Variants in PRKG1 observed in about 807,000 individuals in gnomAD.
PRKG1 encodes the protein cGMP-dependent protein kinase 1.
In PRKG1, 35 loss-of-function variants were observed where a neutral mutation model predicts 88.1. That is an observed-to-expected ratio of 0.40 (90% CI 0.30 to 0.53). The LOEUF is 0.53. PRKG1 is among the 20% of genes least tolerant of loss of function. The probability of loss-of-function intolerance (pLI) is 0.59; values close to 1 mark genes in which losing one functional copy is unlikely to be tolerated. For missense variants in PRKG1, 540 were observed against 839.8 expected (o/e 0.64, Z 4.41); for synonymous variants, 303 against 292.5 (o/e 1.04, Z -0.37).
At chr10:51,586,256 G>T (rs557068120) in intron 3 of PRKG1, among the ~76,000 whole-genome samples, 86 of 152,174 alleles carry the variant, frequency 5.7e-4, no homozygotes, top group Non-Finnish European at 1.0e-3. Context: ...GCCACTGAAG[G>T]TTTACAGACA....
At chr10:51,732,786 T>G (rs2132473847) in intron 3 of PRKG1, among the ~76,000 whole-genome samples, 1 of 152,262 alleles carries the variant, frequency 6.6e-6, no homozygotes, top group East Asian at 1.9e-4. Context: ...ACTTGTAAGA[T>G]CTCACCTTAA....
At chr10:51,251,338 T>G (rs1269820642) in intron 2 of PRKG1, among the ~76,000 whole-genome samples, 1 of 151,762 alleles carries the variant, frequency 6.6e-6, no homozygotes, top group African/African-American at 2.4e-5. Context: ...TCAGTCCTCT[T>G]AAAAGCATTT....
intron 5 of PRKG1, chr10:51,908,872 G>C (rs1194822826): frequency 6.6e-6 from 1 of 152,010 alleles, no homozygotes; most frequent in Non-Finnish European, 1.5e-5. Context: ...TGGGATTACA[G>C]GTGCCTGCCA....
chr10:51,390,101 G>A (rs1331435903), intron 2 of PRKG1, among the ~76,000 whole-genome samples: 2 of 152,180 alleles, frequency 1.3e-5, no homozygotes, highest in Non-Finnish European at 2.9e-5. Flanking sequence ...GAATTAAAAT[G>A]TTTCAAAACT....
At chr10:51,693,504 T>C (rs923535580) in intron 3 of PRKG1, among the ~76,000 whole-genome samples, 14 of 151,984 alleles carry the variant, frequency 9.2e-5, no homozygotes, top group South Asian at 2.1e-4. Context: ...CAGGTTCAAG[T>C]GCTTCTCGTG....
At chr10:52,185,502 C>T (rs1839174180) in intron 9 of PRKG1, among the ~76,000 whole-genome samples, 1 of 152,140 alleles carries the variant, frequency 6.6e-6, no homozygotes, top group South Asian at 2.1e-4. Context: ...ATGCAAGCTC[C>T]CTGTGGCTGT....
intron 2 of PRKG1, among the ~76,000 whole-genome samples, chr10:51,170,469 C>CAA (rs1491020213): frequency 7.0e-6 from 1 of 142,490 alleles, no homozygotes; most frequent in Non-Finnish European, 1.5e-5. Context: ...CACACACACA[C>CAA]AACCAGGAGG....
At position 51,691,561 on chromosome 10, in the gene PRKG1, C is replaced by T. The variant is rs181964021; in HGVS notation, c.593-113024C>T. Among the ~76,000 whole-genome samples, 19 of 152,292 alleles carry T rather than the reference C, an allele frequency of 1.2e-4. No individual in the cohort carries two copies. The East Asian group carries it at 3.7e-3, about 29-fold the overall frequency. The stretch of plus-strand genomic sequence containing the variant: ...AAACTCCTGGACACAAGCGATCCTC[C>T]AGCCTTGGGCTCCCAAACAGCTGGG... On this transcript the variant is annotated intron_variant, in intron 3 of 17. Coordinates refer to ENST00000373980, the MANE Select transcript of PRKG1 (RefSeq NM_006258.4).
chr10:52,194,730 C>CT (rs1239588153), intron 9 of PRKG1, among the ~76,000 whole-genome samples: 3 of 152,066 alleles, frequency 2.0e-5, no homozygotes, highest in Middle Eastern at 3.4e-3. Flanking sequence ...GAAAAATAAT[C>CT]TTTTTTCCTG....
chr10:52,275,238 G>C (rs1564541912), intron 12 of PRKG1, among the ~76,000 whole-genome samples: 1 of 151,988 alleles, frequency 6.6e-6, no homozygotes, highest in African/African-American at 2.4e-5. Context: ...TTGGGTTCTT[G>C]GTCATGAAAT....
At chr10:51,103,182 T>C (rs1046901824) in intron 1 of PRKG1, among the ~76,000 whole-genome samples, 18 of 151,104 alleles carry the variant, frequency 1.2e-4, no homozygotes, top group African/African-American at 3.9e-4. Context: ...AGATATTCAA[T>C]AGAAAAAGAG....
chr10:52,005,174 A>G (rs1241435485), intron 5 of PRKG1, among the ~76,000 whole-genome samples: 1 of 151,544 alleles, frequency 6.6e-6, no homozygotes, highest in African/African-American at 2.4e-5. Context: ...GAGAAATGGC[A>G]TATATGACAA....
chr10:51,192,462 C>G (rs1053491526), intron 2 of PRKG1, among the ~76,000 whole-genome samples: 11 of 151,772 alleles, frequency 7.2e-5, no homozygotes, highest in Non-Finnish European at 4.4e-5. Flanking sequence ...GAAATCTCAA[C>G]AGAAAAAAAT....
At chr10:52,292,132 G>A (rs2132466247) in intron 17 of PRKG1, among the ~76,000 whole-genome samples, 1 of 151,682 alleles carries the variant, frequency 6.6e-6, no homozygotes, top group East Asian at 2.0e-4. Flanking sequence ...TTGTAAATTT[G>A]TTTGAGTTCA....
chr10:51,522,395 T>G (rs577616854), intron 3 of PRKG1, among the ~76,000 whole-genome samples: 37 of 152,346 alleles, frequency 2.4e-4, no homozygotes, highest in African/African-American at 8.4e-4. Context: ...GGGCTGTGAT[T>G]GAAGACGTTG....
chr10:51,643,422 A>G lies in PRKG1; in HGVS notation c.593-161163A>G, dbSNP rs552538447. Among the ~76,000 whole-genome samples the G allele has an allele frequency of 8.5e-5, 13 of 152,330 alleles. No homozygotes were observed. The East Asian group carries it at 1.2e-3, about 14-fold the overall frequency. On this transcript the variant is annotated intron_variant, in intron 3 of 17. Transcript: ENST00000373980. Reference sequence around the variant, plus strand: ...TTATTATACATACATCTCTCTAGGAAGTTTTAATTAGATATTAAAAATTTT... The same window carrying G: ...TTATTATACATACATCTCTCTAGGAGGTTTTAATTAGATATTAAAAATTTT...
chr10:51,852,514 T>C (rs1840585751), intron 4 of PRKG1, among the ~76,000 whole-genome samples: 2 of 152,076 alleles, frequency 1.3e-5, no homozygotes, highest in Admixed American at 6.6e-5. Context: ...GCTGGTGACA[T>C]GTACATCTTA....
intron 3 of PRKG1, among the ~76,000 whole-genome samples, chr10:51,599,324 G>A (rs922120143): frequency 2.6e-5 from 4 of 152,204 alleles, no homozygotes; most frequent in African/African-American, 7.2e-5. Flanking sequence ...CACAGGACAG[G>A]CCCTTACAAC....
intron 3 of PRKG1, among the ~76,000 whole-genome samples, chr10:51,646,639 A>C (rs1404844276): frequency 6.6e-6 from 1 of 152,144 alleles, no homozygotes; most frequent in African/African-American, 2.4e-5. Context: ...AATCTCTTAA[A>C]GAAGGAAAGG....
Sources: gnomAD v4.1 joint callset for allele counts (sites outside exome capture counted in the v4.1 genomes callset) on GRCh38, gnomAD v4.1.1 for gene constraint, MANE v1.5 for transcripts, NCBI Gene and HGNC (gene_info 2026-07-23, HGNC 2026-07-21) for gene names.